RPS6KA2: variants seen among roughly 807,000 people sequenced by gnomAD.
The protein encoded by RPS6KA2 is ribosomal protein S6 kinase A2.
RPS6KA2 carries 42 observed loss-of-function variants against 91.8 expected under a neutral mutation model. That is an observed-to-expected ratio of 0.46 (90% CI 0.36 to 0.59). RPS6KA2 has a LOEUF of 0.59. Among genes scored for constraint, RPS6KA2 ranks in the 20% least tolerant of loss-of-function variants. The pLI is 0.00. For missense variants in RPS6KA2, 798 were observed against 978.5 expected (o/e 0.82, Z 2.46); for synonymous variants, 414 against 393.6 (o/e 1.05, Z -0.61).
intron 10 of RPS6KA2, among the ~76,000 whole-genome samples, chr6:166,476,550 T>C (rs1780982169): frequency 6.6e-6 from 1 of 152,140 alleles, no homozygotes; most frequent in Admixed American, 6.5e-5. Flanking sequence ...GATCCCTCTG[T>C]CAACTGGACT....
chr6:166,582,940 A>G (rs975511160), intron 1 of RPS6KA2, among the ~76,000 whole-genome samples: 2 of 152,252 alleles, frequency 1.3e-5, no homozygotes, highest in African/African-American at 4.8e-5. Context: ...GATTTAAGAA[A>G]AATAACTCAC....
intron 1 of RPS6KA2, among the ~76,000 whole-genome samples, chr6:166,595,104 T>C (rs1583311205): frequency 6.6e-6 from 1 of 151,700 alleles, no homozygotes; most frequent in South Asian, 2.1e-4. Flanking sequence ...CAGGCTGGAG[T>C]GTGATGGCAG....
At chr6:166,664,460 A>C (rs1228392571) in intron 2 of RPS6KA2, among the ~76,000 whole-genome samples, 1 of 152,222 alleles carries the variant, frequency 6.6e-6, no homozygotes, top group African/African-American at 2.4e-5. Context: ...TGAGCTTCAG[A>C]AGATATTTTA....
chr6:166,583,319 C>T (rs559856368), intron 1 of RPS6KA2, among the ~76,000 whole-genome samples: 2 of 152,298 alleles, frequency 1.3e-5, no homozygotes, highest in Admixed American at 6.5e-5. Flanking sequence ...CCAGAGATCA[C>T]GGCCTTCTTG....
At chr6:166,447,997 A>G (rs140180605) in intron 14 of RPS6KA2, among the ~76,000 whole-genome samples, 53 of 152,278 alleles carry the variant, frequency 3.5e-4, no homozygotes, top group African/African-American at 1.2e-3. Flanking sequence ...AGGAAGCTTT[A>G]CCTTTAATCC....
At chr6:166,578,220 C>T (rs932456414) in intron 1 of RPS6KA2, among the ~76,000 whole-genome samples, 2 of 152,168 alleles carry the variant, frequency 1.3e-5, no homozygotes, top group African/African-American at 2.4e-5. Flanking sequence ...TGCTGGGCAA[C>T]GTGTTCCTTC....
chr6:166,853,788 C>T (rs1780812747), intron 2 of RPS6KA2, among the ~76,000 whole-genome samples: 1 of 152,210 alleles, frequency 6.6e-6, no homozygotes, highest in Non-Finnish European at 1.5e-5. Flanking sequence ...CCCAGGGGAG[C>T]CACGAGCTTG....
rs1779187672 is a variant in RPS6KA2 at position 166,433,051 on chromosome 6, A to G, written c.1333-561T>C. On this transcript the variant is annotated intron_variant, in intron 14 of 20. Coordinates refer to ENST00000265678, the MANE Select transcript of RPS6KA2 (RefSeq NM_021135.6). The surrounding 1 kb of genome is among the most constrained non-coding windows in gnomAD (Gnocchi z 4.4). ...TCAGACATGAATTTTAAGGTGTTAT[A>G]AGGTTGGGTGGAGACACGTGTAGGG... 6.6e-6 allele frequency among the ~76,000 whole-genome samples: 1 copy of G among 151,686 alleles called. No individual in the cohort carries two copies. The highest frequency in any genetic ancestry group is 1.5e-5 in the Non-Finnish European group (1 of 67,982).
chr6:166,790,536 A>G (rs1055909769), intron 2 of RPS6KA2, among the ~76,000 whole-genome samples: 5 of 152,282 alleles, frequency 3.3e-5, no homozygotes, highest in African/African-American at 1.2e-4. Flanking sequence ...CTCCTCGAGA[A>G]GAGCAACTCC....
intron 2 of RPS6KA2, among the ~76,000 whole-genome samples, chr6:166,734,048 G>A (rs1194456518): frequency 2.0e-5 from 3 of 152,290 alleles, no homozygotes; most frequent in Non-Finnish European, 2.9e-5. Context: ...GTTGAGGTAA[G>A]CTGATAGATT....
At chr6:166,574,094 G>A (rs575691953) in intron 1 of RPS6KA2, among the ~76,000 whole-genome samples, 89 of 152,330 alleles carry the variant, frequency 5.8e-4, no homozygotes, top group Admixed American at 9.8e-4. Flanking sequence ...ACCACTCCTT[G>A]CTCTTATCCT....
intron 2 of RPS6KA2, among the ~76,000 whole-genome samples, chr6:166,833,174 A>T (rs1780229515): frequency 6.6e-6 from 1 of 152,264 alleles, no homozygotes; most frequent in African/African-American, 2.4e-5. Context: ...AAACAAGCTT[A>T]GAAAAGGCCA....
intron 1 of RPS6KA2, among the ~76,000 whole-genome samples, chr6:166,575,118 CAA>C (rs1784800598): frequency 6.6e-6 from 1 of 152,238 alleles, no homozygotes; most frequent in Non-Finnish European, 1.5e-5. Context: ...ACTAGACATG[CAA>C]AACGCCTGGC....
chr6:166,512,313 G>A (rs1782500105), intron 3 of RPS6KA2, among the ~76,000 whole-genome samples: 1 of 152,178 alleles, frequency 6.6e-6, no homozygotes, highest in Admixed American at 6.5e-5. Context: ...AACAGGAGCT[G>A]GAAGGGGGAG....
At chr6:166,747,847 G>A (rs974415583) in intron 2 of RPS6KA2, among the ~76,000 whole-genome samples, 5 of 152,246 alleles carry the variant, frequency 3.3e-5, no homozygotes, top group African/African-American at 1.2e-4. Context: ...GAGACAGGAT[G>A]GCACAGGGGC....
In RPS6KA2 at chr6:166,491,600, A is replaced by T. The variant is rs1190568435; in HGVS notation, c.748-859T>A. On this transcript the variant is annotated intron_variant, in intron 8 of 20. Coordinates refer to ENST00000265678, the MANE Select transcript of RPS6KA2 (RefSeq NM_021135.6). ...GGTGTCTTTCACGTCAGTTTAAATT[A>T]CGGGGAAGCAGGTGTTTCCATGGTC... is the stretch of plus-strand genomic sequence containing the variant. Among the ~76,000 whole-genome samples the T allele has an allele frequency of 5.3e-5, 8 of 152,326 alleles. No individual in the cohort carries two copies. The South Asian group carries it at 1.7e-3, about 32-fold the overall frequency.
intron 2 of RPS6KA2, among the ~76,000 whole-genome samples, chr6:166,793,350 A>G: frequency 6.8e-6 from 1 of 147,062 alleles, no homozygotes; most frequent in Non-Finnish European, 1.5e-5. Flanking sequence ...AAGGAAATAA[A>G]AGAGGATACA....
At chr6:166,653,339 G>A (rs1787917189) in intron 2 of RPS6KA2, among the ~76,000 whole-genome samples, 1 of 152,226 alleles carries the variant, frequency 6.6e-6, no homozygotes, top group Non-Finnish European at 1.5e-5. Context: ...GGGATTACAG[G>A]CGTGAGCCGC....
At chr6:166,562,427 C>T (rs553981002) in intron 1 of RPS6KA2, among the ~76,000 whole-genome samples, 18 of 152,250 alleles carry the variant, frequency 1.2e-4, no homozygotes, top group South Asian at 1.0e-3. Flanking sequence ...ACATAGCACA[C>T]GTAGAATCAA....
Sources: gnomAD v4.1 joint callset for allele counts (sites outside exome capture counted in the v4.1 genomes callset) on GRCh38, gnomAD v4.1.1 for gene constraint, Gnocchi (gnomAD v3.1) non-coding constraint, MANE v1.5 for transcripts, NCBI Gene and HGNC (gene_info 2026-07-23, HGNC 2026-07-21) for gene names.